ADAM12: variants seen among roughly 807,000 people sequenced by gnomAD.
ADAM12 encodes ADAM metallopeptidase domain 12.
In ADAM12, 70 loss-of-function variants were observed where a neutral mutation model predicts 106.4. The ratio of observed to expected loss-of-function variants is 0.66; its 90% CI spans 0.54 to 0.80. The LOEUF (loss-of-function observed/expected upper bound fraction) is 0.80. ADAM12 is among the 30% of genes least tolerant of loss of function. The pLI is 0.00. For missense variants in ADAM12, 1,010 were observed against 1,171.9 expected (o/e 0.86, Z 2.02); for synonymous variants, 420 against 433.5 (o/e 0.97, Z 0.39).
intron 3 of ADAM12, among the ~76,000 whole-genome samples, chr10:126,193,437 C>T (rs1957541023): frequency 6.6e-6 from 1 of 152,066 alleles, no homozygotes; most frequent in South Asian, 2.1e-4. Flanking sequence ...CTATTTGATT[C>T]CTGCCACTGG....
At position 126,230,179 on chromosome 10, in the gene ADAM12, G is replaced by A. The variant is rs549174260; in HGVS notation, c.260+48736C>T. 7.2e-5 allele frequency among the ~76,000 whole-genome samples: 11 copies of A among 152,198 alleles called. No homozygotes were observed. In the East Asian group the frequency reaches 1.9e-3, roughly 27 times the overall value. On this transcript the variant is annotated intron_variant, in intron 3 of 22. Coordinates refer to ENST00000448723, the MANE Select transcript of ADAM12 (RefSeq NM_001288973.2). The stretch of plus-strand genomic sequence containing the variant: ...AGCCCCCAAAGCACTCATGGCATTG[G>A]GCTCTTATGGCCAAATTACTTATCT...
chr10:126,100,429 C>T (rs944781738), intron 9 of ADAM12, among the ~76,000 whole-genome samples: 9 of 151,730 alleles, frequency 5.9e-5, no homozygotes, highest in Non-Finnish European at 8.8e-5. Flanking sequence ...CTCGGCCTGG[C>T]GCGGTGGCTC....
intron 3 of ADAM12, among the ~76,000 whole-genome samples, chr10:126,159,613 T>C (rs1452623084): frequency 3.3e-5 from 5 of 152,116 alleles, no homozygotes; most frequent in Non-Finnish European, 5.9e-5. Context: ...TGAAAGCTGG[T>C]TTGGACAGAT....
intron 8 of ADAM12, among the ~76,000 whole-genome samples, chr10:126,104,878 T>C (rs539786777): frequency 4.6e-5 from 7 of 152,222 alleles, no homozygotes; most frequent in Non-Finnish European, 8.8e-5. Context: ...AATGAGGAAG[T>C]TGCCACTGGC....
chr10:126,388,128 C>A lies in ADAM12; in HGVS notation c.18G>T (p.Leu6=). 1 of 1,218,900 alleles carries A rather than the reference C, an allele frequency of 8.2e-7. No individual in the cohort carries two copies. The highest frequency in any genetic ancestry group is 1.0e-6 in the Non-Finnish European group (1 of 979,522). The allele number at this position is 1,218,900 out of a possible 1,614,324, so 75.5% of individuals were successfully genotyped here. A position where few individuals can be genotyped will look rare whatever the true frequency, so the allele number is the denominator to read the frequency against. The change falls in exon 1 of 23, where the codon CTG becomes CTT. Residue 6 remains leucine, a synonymous_variant. Coordinates refer to ENST00000448723, the MANE Select transcript of ADAM12 (RefSeq NM_001288973.2). This position sits in a 1 kb window ranked among gnomAD's most constrained non-coding sequence, Gnocchi z 4.4. The stretch of plus-strand genomic sequence containing the variant: ...GGAGGGCGCGGGCGGGGGACACGGG[C>A]AGCGGGCGCGCTGCCATCGTCGCCG... MAARP[L]PVSPARALLL...
chr10:126,106,474 T>TTTC (rs202212603), intron 8 of ADAM12, among the ~76,000 whole-genome samples: 346 of 148,188 alleles, frequency 2.3e-3, no homozygotes, highest in Non-Finnish European at 3.9e-3. Context: ...ATCCCTTCTT[T>TTTC]TTCTTCTTCT....
intron 1 of ADAM12, among the ~76,000 whole-genome samples, chr10:126,341,156 C>A (rs182192908): frequency 4.3e-3 from 650 of 152,270 alleles, no homozygotes; most frequent in Non-Finnish European, 6.7e-3. Context: ...TTCCTCCCAA[C>A]CCAAGTTGCT....
intron 3 of ADAM12, among the ~76,000 whole-genome samples, chr10:126,172,361 C>G (rs1005253943): frequency 2.6e-5 from 4 of 152,100 alleles, no homozygotes; most frequent in Non-Finnish European, 5.9e-5. Context: ...GGAATCATTA[C>G]TAATTTTCTT....
intron 4 of ADAM12, among the ~76,000 whole-genome samples, chr10:126,141,825 G>A (rs1270250298): frequency 6.6e-6 from 1 of 152,200 alleles, no homozygotes; most frequent in African/African-American, 2.4e-5. Context: ...TTCTTTAGGG[G>A]AAATTTGTAG....
At chr10:126,284,874 C>A (rs1959773499) in intron 2 of ADAM12, among the ~76,000 whole-genome samples, 2 of 152,164 alleles carry the variant, frequency 1.3e-5, no homozygotes, top group South Asian at 4.1e-4. Flanking sequence ...AAGGATGCTC[C>A]CTTACTCTCT....
chr10:126,105,394 C>T (rs1293300247), intron 8 of ADAM12, among the ~76,000 whole-genome samples: 1 of 152,218 alleles, frequency 6.6e-6, no homozygotes, highest in Non-Finnish European at 1.5e-5. Context: ...CTAAGAAGAA[C>T]TCGTGTTTTC....
chr10:126,317,502 T>C (rs1220878924), intron 2 of ADAM12, among the ~76,000 whole-genome samples: 2 of 152,214 alleles, frequency 1.3e-5, no homozygotes, highest in Admixed American at 6.5e-5. Context: ...AAAGGGTCAA[T>C]TTAATTTCAA....
At chr10:126,202,896 G>GA (rs35198085) in intron 3 of ADAM12, among the ~76,000 whole-genome samples, 6 of 151,528 alleles carry the variant, frequency 4.0e-5, no homozygotes, top group Admixed American at 2.6e-4. Context: ...ACCACCGAAA[G>GA]AAAAAAATGT....
chr10:126,366,595 T>C (rs1043284207), intron 1 of ADAM12, among the ~76,000 whole-genome samples: 2 of 152,046 alleles, frequency 1.3e-5, no homozygotes, highest in Non-Finnish European at 2.9e-5. Context: ...TTAAGTGTAA[T>C]TGGAATAAAT....
intron 3 of ADAM12, among the ~76,000 whole-genome samples, chr10:126,260,006 G>A (rs1354666776): frequency 6.6e-6 from 1 of 152,200 alleles, no homozygotes; most frequent in African/African-American, 2.4e-5. Flanking sequence ...GCAAAGCTGG[G>A]ATGATCTCCC....
rs546891577 is a variant in ADAM12 at position 126,110,269 on chromosome 10, C to T, written c.604-429G>A. Among the ~76,000 whole-genome samples, 7 of 152,272 alleles carry T rather than the reference C, an allele frequency of 4.6e-5. No homozygotes were observed. In the South Asian group the frequency reaches 1.0e-3, roughly 23 times the overall value. ...TCAGAGAAGACGACGGAGTTCAATG[C>T]ACTGTGGCTGTTCCCTTTGTCTTTA... On this transcript the variant is annotated intron_variant, in intron 6 of 22. Coordinates refer to ENST00000448723, the MANE Select transcript of ADAM12 (RefSeq NM_001288973.2).
At chr10:126,192,910 G>A (rs1360487141) in intron 3 of ADAM12, among the ~76,000 whole-genome samples, 2 of 152,228 alleles carry the variant, frequency 1.3e-5, no homozygotes, top group South Asian at 2.1e-4. Flanking sequence ...TCCAATGGGA[G>A]AGAGTCGCCA....
chr10:126,388,326 A>G lies in ADAM12; in HGVS notation c.-181T>C. 1 of 997,400 alleles carries G rather than the reference A, an allele frequency of 1.0e-6. No individual in the cohort carries two copies. Among genetic ancestry groups the G allele is most frequent in the Non-Finnish European group, 1.3e-6 (1 of 790,170 alleles). 61.8% of individuals were successfully genotyped at this position (997,400 alleles called of 1,614,324 possible). On this transcript the variant is annotated 5_prime_UTR_variant, in exon 1 of 23. Transcript: ENST00000448723. The surrounding 1 kb of genome is among the most constrained non-coding windows in gnomAD (Gnocchi z 4.4). ...TGAGCTCTTCTAGCCTTTCATTTTTAAAAAAGTTTCCCCCCGTGTGTGTGC... is the reference window on the plus strand; with the variant it reads ...TGAGCTCTTCTAGCCTTTCATTTTTGAAAAAGTTTCCCCCCGTGTGTGTGC...
chr10:126,055,801 T>C (rs919087524), intron 14 of ADAM12, among the ~76,000 whole-genome samples: 2 of 152,230 alleles, frequency 1.3e-5, no homozygotes, highest in Admixed American at 1.3e-4. Flanking sequence ...AAAAATCTCC[T>C]GACAGGTGAG....
Sources: gnomAD v4.1 joint callset for allele counts (sites outside exome capture counted in the v4.1 genomes callset) on GRCh38, gnomAD v4.1.1 for gene constraint, Gnocchi (gnomAD v3.1) non-coding constraint, MANE v1.5 for transcripts, NCBI Gene and HGNC (gene_info 2026-07-23, HGNC 2026-07-21) for gene names.